Variants in PAX7 observed in about 807,000 individuals in gnomAD.
PAX7 encodes the protein paired box 7, also known as paired box protein Pax-7.
Under a neutral mutation model 50.7 loss-of-function variants are expected in PAX7, and 18 were observed. The ratio of observed to expected loss-of-function variants is 0.36; its 90% CI spans 0.25 to 0.53. The LOEUF is 0.53. PAX7 is among the 20% of genes least tolerant of loss of function. PAX7 has a pLI of 0.93. For synonymous variants in PAX7, 310 were observed against 290.4 expected (o/e 1.07, Z -0.69); for missense variants, 644 against 702.9 (o/e 0.92, Z 0.95).
intron 4 of PAX7, among the ~76,000 whole-genome samples, chr1:18,638,317 G>T (rs2088195092): frequency 6.6e-6 from 1 of 152,214 alleles, no homozygotes; most frequent in African/African-American, 2.4e-5. Context: ...AGGGAATGCG[G>T]GGCGTTCCAT....
At chr1:18,732,600 T>C (rs190151446) in intron 7 of PAX7, among the ~76,000 whole-genome samples, 35 of 152,332 alleles carry the variant, frequency 2.3e-4, no homozygotes, top group Admixed American at 2.0e-3. Context: ...GAAGGTAAAG[T>C]GCAGGGTAGA....
In PAX7 at chr1:18,700,078, G is replaced by A. The variant is rs2743202; in HGVS notation, c.787-575G>A. 0.033 allele frequency among the ~76,000 whole-genome samples: 425 copies of A among 13,070 alleles called. 1 individual carries two copies. Among genetic ancestry groups the A allele is most frequent in the African/African-American group, 0.24 (358 of 1,462 alleles). 8.6% of individuals were successfully genotyped at this position (13,070 alleles called of 152,430 possible). Reference sequence around the variant, plus strand: ...TATCCCACTAATGTTTGATAAATCCGTGTGTGTGTGTGTGTGTGTGTGTGT... The same window carrying A: ...TATCCCACTAATGTTTGATAAATCCATGTGTGTGTGTGTGTGTGTGTGTGT... On this transcript the variant is annotated intron_variant, in intron 5 of 8. Coordinates refer to ENST00000420770, the MANE Select transcript of PAX7 (RefSeq NM_001135254.2). The surrounding 1 kb of genome is among the most constrained non-coding windows in gnomAD (Gnocchi z 4.8).
chr1:18,648,268 A>G (rs989431548), intron 4 of PAX7, among the ~76,000 whole-genome samples: 26 of 144,600 alleles, frequency 1.8e-4, no homozygotes, highest in African/African-American at 6.2e-4. Flanking sequence ...AGGGGCCCTG[A>G]CTCCAGTGAT....
chr1:18,746,622 G>A lies in PAX7; in HGVS notation c.*1693G>A. On this transcript the variant is annotated 3_prime_UTR_variant, in exon 9 of 9. Coordinates refer to ENST00000420770, the MANE Select transcript of PAX7 (RefSeq NM_001135254.2). ...GACCAAACTGTTTGTCCCCATCTGG[G>A]TTCATGAGGCCACCTCTTTGCTCAA... 1 of 231,078 alleles carries A rather than the reference G, an allele frequency of 4.3e-6. No homozygotes were observed. Among genetic ancestry groups the A allele is most frequent in the East Asian group, 6.1e-5 (1 of 16,326 alleles). The allele number at this position is 231,078 out of a possible 1,614,324, so 14.3% of individuals were successfully genotyped here. A position where few individuals can be genotyped will look rare whatever the true frequency, so the allele number is the denominator to read the frequency against.
At chr1:18,703,807 A>G (rs924583830) in intron 7 of PAX7, among the ~76,000 whole-genome samples, 4 of 152,094 alleles carry the variant, frequency 2.6e-5, no homozygotes, top group African/African-American at 7.2e-5. Context: ...GGGGGAAGGG[A>G]TGAAGTGCCC....
Position 18,632,101 on chromosome 1 carries a change from G to A in PAX7, c.85+413G>A, listed in dbSNP as rs932092765. 6.6e-6 allele frequency among the ~76,000 whole-genome samples: 1 copy of A among 152,000 alleles called. No homozygotes were observed. The highest frequency in any genetic ancestry group is 1.5e-5 in the Non-Finnish European group (1 of 68,016). On this transcript the variant is annotated intron_variant, in intron 1 of 8. Transcript: ENST00000420770. This position sits in a 1 kb window ranked among gnomAD's most constrained non-coding sequence, Gnocchi z 6.3. ...GTTTTGAATTATTTTTTCCACCCCC[G>A]GGATTGGTCTTCCAGTCCTTTATTT...
rs150770180 is a variant in PAX7 at position 18,721,686 on chromosome 1, T to C, written c.1156-13946T>C. On this transcript the variant is annotated intron_variant, in intron 7 of 8. Coordinates refer to ENST00000420770, the MANE Select transcript of PAX7 (RefSeq NM_001135254.2). ...ACACTCTTGATACCAGAGCCACTCATGGTGGTGGATGTGGGGATAAAAAGA... is the reference window on the plus strand; with the variant it reads ...ACACTCTTGATACCAGAGCCACTCACGGTGGTGGATGTGGGGATAAAAAGA... Among the ~76,000 whole-genome samples, 252 of 152,248 alleles carry C rather than the reference T, an allele frequency of 1.7e-3. 1 individual carries two copies. The highest frequency in any genetic ancestry group is 5.8e-3 in the African/African-American group (242 of 41,534).
chr1:18,711,786 G>A (rs2089354816), intron 7 of PAX7, among the ~76,000 whole-genome samples: 1 of 152,098 alleles, frequency 6.6e-6, no homozygotes, highest in South Asian at 2.1e-4. Flanking sequence ...CATGACCAGT[G>A]CGGTTGGTAC....
chr1:18,690,392 C>T (rs1369919737), intron 4 of PAX7, among the ~76,000 whole-genome samples: 1 of 152,234 alleles, frequency 6.6e-6, no homozygotes, highest in Non-Finnish European at 1.5e-5. Context: ...TCCCGCAGCT[C>T]CCCAGGGGCT....
At chr1:18,671,559 G>A (rs1267358295) in intron 4 of PAX7, among the ~76,000 whole-genome samples, 1 of 152,026 alleles carries the variant, frequency 6.6e-6, no homozygotes. Context: ...CTGGGAGGAC[G>A]ACCTTGGAGA....
intron 5 of PAX7, among the ~76,000 whole-genome samples, chr1:18,695,104 G>A (rs2282708): frequency 0.057 from 8,643 of 151,804 alleles, 425 homozygotes; most frequent in East Asian, 0.25. Context: ...ACCTAGATGT[G>A]GATTCCAGCT....
intron 7 of PAX7, among the ~76,000 whole-genome samples, chr1:18,714,986 C>T (rs2089400434): frequency 6.6e-6 from 1 of 152,226 alleles, no homozygotes; most frequent in African/African-American, 2.4e-5. Context: ...GTTTCTCAGG[C>T]CTGTCCCTGG....
intron 4 of PAX7, among the ~76,000 whole-genome samples, chr1:18,647,120 G>A (rs930024211): frequency 1.3e-5 from 2 of 152,014 alleles, no homozygotes; most frequent in African/African-American, 2.4e-5. Context: ...ACCGAGCTCC[G>A]GGCGAGGGGA....
At chr1:18,709,913 C>T (rs555481614) in intron 7 of PAX7, among the ~76,000 whole-genome samples, 1 of 152,318 alleles carries the variant, frequency 6.6e-6, no homozygotes, top group Non-Finnish European at 1.5e-5. Flanking sequence ...TGTCCCCAAA[C>T]GCCAAGCTTC....
At chr1:18,641,749 G>C (rs549588486) in intron 4 of PAX7, among the ~76,000 whole-genome samples, 1 of 152,224 alleles carries the variant, frequency 6.6e-6, no homozygotes, top group Non-Finnish European at 1.5e-5. Context: ...GAATGGTGGA[G>C]GGGAGATTTA....
At chr1:18,678,405 TA>T (rs111834517) in intron 4 of PAX7, among the ~76,000 whole-genome samples, 21 of 144,706 alleles carry the variant, frequency 1.5e-4, no homozygotes, top group East Asian at 2.0e-4. Context: ...ATCTCAAAAA[TA>T]AAAAAAAAAG....
chr1:18,723,767 C>T (rs1255779611), intron 7 of PAX7, among the ~76,000 whole-genome samples: 1 of 152,088 alleles, frequency 6.6e-6, no homozygotes, highest in Non-Finnish European at 1.5e-5. Flanking sequence ...ATATGCATAG[C>T]CAGGATCTTG....
chr1:18,637,385 A>T (rs2088178816), intron 4 of PAX7, among the ~76,000 whole-genome samples: 1 of 101,398 alleles, frequency 9.9e-6, no homozygotes, highest in Non-Finnish European at 2.1e-5. Flanking sequence ...AAAGACTGAC[A>T]GTTAAAGAAA....
At chr1:18,660,620 C>T (rs1289866477) in intron 4 of PAX7, among the ~76,000 whole-genome samples, 1 of 152,198 alleles carries the variant, frequency 6.6e-6, no homozygotes, top group African/African-American at 2.4e-5. Context: ...CTGACCCCTG[C>T]AACCTGTATT....
Sources: allele counts gnomAD v4.1 joint callset (sites outside exome capture counted in the v4.1 genomes callset), GRCh38; gene constraint gnomAD v4.1.1; non-coding constraint Gnocchi (gnomAD v3.1); transcripts MANE v1.5; gene names NCBI Gene and HGNC (gene_info 2026-07-23, HGNC 2026-07-21).